Variants in TRIM24 observed in about 807,000 individuals in gnomAD.
The protein encoded by TRIM24 is transcription intermediary factor 1-alpha.
A neutral mutation model predicts 123.9 loss-of-function variants in TRIM24; 29 were observed. The observed-to-expected ratio is 0.23, with a 90% confidence interval of 0.17 to 0.32. The LOEUF is 0.32. TRIM24 is among the 10% of genes least tolerant of loss of function. The pLI, the probability that TRIM24 is intolerant of heterozygous loss-of-function variation, is 1.00. For synonymous variants in TRIM24, 456 were observed against 461.1 expected, an observed-to-expected ratio of 0.99 and a Z score of 0.14; for missense variants, 932 against 1,295.3, an observed-to-expected ratio of 0.72 and a Z score of 4.31.
chr7:138,476,322 TG>T (rs989442566), intron 1 of TRIM24, among the ~76,000 whole-genome samples: 1 of 152,050 alleles, frequency 6.6e-6, no homozygotes, highest in African/African-American at 2.4e-5. Context: ...AGGCCGGGCG[TG>T]GTGGCTCACG....
chr7:138,549,549 C>T (rs1320727385), intron 7 of TRIM24, among the ~76,000 whole-genome samples: 1 of 152,124 alleles, frequency 6.6e-6, no homozygotes, highest in Non-Finnish European at 1.5e-5. Context: ...TGAAAAAAAG[C>T]ATTTCCACGA....
Position 138,588,090 on chromosome 7 carries a change from G to T in TRIM24, c.*3139G>T, listed in dbSNP as rs1209975269. The T allele has an allele frequency of 6.6e-6, 1 of 151,552 alleles. No individual in the cohort carries two copies. The highest frequency in any genetic ancestry group is 1.5e-5 in the Non-Finnish European group (1 of 67,852). The allele number at this position is 151,552 out of a possible 1,614,324, so 9.4% of individuals were successfully genotyped here. ...TAGTAGTGTAGATGTAGTATAACTTGCTTAGGAATGCTTTCAAAAAGGTTA... is the reference window on the plus strand; with the variant it reads ...TAGTAGTGTAGATGTAGTATAACTTTCTTAGGAATGCTTTCAAAAAGGTTA... On this transcript the variant is annotated 3_prime_UTR_variant, in exon 19 of 19. Transcript: ENST00000343526.
At chr7:138,553,571 A>C (rs777317909) in intron 8 of TRIM24, among the ~76,000 whole-genome samples, 5 of 152,160 alleles carry the variant, frequency 3.3e-5, no homozygotes, top group Non-Finnish European at 5.9e-5. Context: ...TAAACTCTTA[A>C]AACTAGTTTT....
chr7:138,503,306 T>C (rs1240498165), intron 1 of TRIM24, among the ~76,000 whole-genome samples: 2 of 152,180 alleles, frequency 1.3e-5, no homozygotes, highest in African/African-American at 4.8e-5. Context: ...TGTGGGAGCA[T>C]TGGTATCTTT....
At chr7:138,582,610 ACCC>A (rs1797925455) in intron 17 of TRIM24, among the ~76,000 whole-genome samples, 1 of 150,830 alleles carries the variant, frequency 6.6e-6, no homozygotes, top group Non-Finnish European at 1.5e-5. Context: ...AGGGCCTGGT[ACCC>A]CAAAAGAGTA....
intron 10 of TRIM24, among the ~76,000 whole-genome samples, chr7:138,570,109 G>A (rs531411287): frequency 5.3e-5 from 8 of 151,994 alleles, no homozygotes; most frequent in Admixed American, 2.6e-4. Context: ...CACCACGCCC[G>A]GTTAATTTTT....
chr7:138,495,884 ACT>A (rs1458870604), intron 1 of TRIM24, among the ~76,000 whole-genome samples: 1 of 151,688 alleles, frequency 6.6e-6, no homozygotes, highest in East Asian at 1.9e-4. Context: ...TCCTTTTGAG[ACT>A]CTGATTAAAT....
intron 6 of TRIM24, among the ~76,000 whole-genome samples, chr7:138,533,386 G>A (rs190016940): frequency 0.016 from 2,400 of 152,168 alleles, 70 homozygotes; most frequent in African/African-American, 0.054. Flanking sequence ...TTTGAGATAC[G>A]TCCCATCAAT....
chr7:138,485,438 T>C (rs2116486487), intron 1 of TRIM24, among the ~76,000 whole-genome samples: 1 of 152,202 alleles, frequency 6.6e-6, no homozygotes, highest in Non-Finnish European at 1.5e-5. Context: ...TGTGCCATGT[T>C]GGTTTGCTGC....
intron 17 of TRIM24, among the ~76,000 whole-genome samples, chr7:138,582,504 T>A (rs189594457): frequency 3.4e-3 from 494 of 146,624 alleles, no homozygotes; most frequent in African/African-American, 0.011. Flanking sequence ...ATCATGCCAC[T>A]GCACTCCAGC....
At chr7:138,498,454 A>T (rs1370914167) in intron 1 of TRIM24, among the ~76,000 whole-genome samples, 1 of 151,734 alleles carries the variant, frequency 6.6e-6, no homozygotes, top group Non-Finnish European at 1.5e-5. Context: ...TGAACTCTTG[A>T]GCTCAAGTGA....
intron 6 of TRIM24, among the ~76,000 whole-genome samples, chr7:138,534,407 C>T (rs900901132): frequency 7.9e-5 from 12 of 152,160 alleles, no homozygotes; most frequent in Non-Finnish European, 1.5e-4. Context: ...GATCCAGGTA[C>T]GTTGTGTCTT....
In TRIM24 at chr7:138,485,390, C is replaced by T. The variant is rs537126445; in HGVS notation, c.365-18900C>T. Among the ~76,000 whole-genome samples the T allele has an allele frequency of 4.0e-5, 6 of 151,250 alleles. No individual in the cohort carries two copies. The South Asian group carries it at 1.3e-3, about 32-fold the overall frequency. The stretch of plus-strand genomic sequence containing the variant: ...TAATTATACTTTAAGTTCTAGGGTA[C>T]ATGTGCACAATGTGCAGGTTTGTTA... On this transcript the variant is annotated intron_variant, in intron 1 of 18. Transcript: ENST00000343526.
intron 2 of TRIM24, among the ~76,000 whole-genome samples, chr7:138,512,138 A>T (rs1182807187): frequency 1.3e-5 from 2 of 152,208 alleles, no homozygotes; most frequent in Non-Finnish European, 2.9e-5. Flanking sequence ...ACACACTGGT[A>T]CTAGGGGTGG....
chr7:138,505,653 T>C (rs1252587448), intron 2 of TRIM24, among the ~76,000 whole-genome samples: 1 of 151,966 alleles, frequency 6.6e-6, no homozygotes, highest in Admixed American at 6.6e-5. Context: ...TCTCCCACCA[T>C]AGCCTCCTGA....
chr7:138,537,313 G>A (rs1208649609), intron 6 of TRIM24, among the ~76,000 whole-genome samples: 4 of 151,024 alleles, frequency 2.6e-5, no homozygotes. Flanking sequence ...CACTCACGCT[G>A]GGAGCTGTAG....
intron 1 of TRIM24, among the ~76,000 whole-genome samples, chr7:138,479,458 T>C (rs1049379732): frequency 7.2e-5 from 11 of 152,162 alleles, no homozygotes; most frequent in African/African-American, 2.4e-4. Flanking sequence ...CTGCAGCCTT[T>C]ATCTGCCAGG....
rs577317171 is a variant in TRIM24, at chr7:138,466,463, CTTTTT to C, written c.364+5565_364+5569del. On this transcript the variant is annotated intron_variant, in intron 1 of 18. Coordinates refer to ENST00000343526, the MANE Select transcript of TRIM24 (RefSeq NM_015905.3). ...TTTGCAAATTTCAAAACTTAAGTTGCTTTTTTTTTTTTTTTTTTGGAGACAGCATC... is the reference window on the plus strand; with the variant it reads ...TTTGCAAATTTCAAAACTTAAGTTGCTTTTTTTTTTTTTGGAGACAGCATC... Among the ~76,000 whole-genome samples, 27 of 74,060 alleles carry C rather than the reference CTTTTT, an allele frequency of 3.6e-4. 1 individual carries two copies. In the South Asian group the frequency reaches 0.011, roughly 30 times the overall value. 48.6% of individuals were successfully genotyped at this position (74,060 alleles called of 152,430 possible). A position where few individuals can be genotyped will look rare whatever the true frequency, so the allele number is the denominator to read the frequency against.
intron 1 of TRIM24, among the ~76,000 whole-genome samples, chr7:138,476,897 A>G (rs1795414451): frequency 6.6e-6 from 1 of 152,224 alleles, no homozygotes; most frequent in Non-Finnish European, 1.5e-5. Flanking sequence ...TGATATGACC[A>G]CCAATAAATG....
Sources: allele counts gnomAD v4.1 joint callset (sites outside exome capture counted in the v4.1 genomes callset), GRCh38; gene constraint gnomAD v4.1.1; transcripts MANE v1.5; gene names NCBI Gene and HGNC (gene_info 2026-07-23, HGNC 2026-07-21).